Variants in PTPN13 observed in about 807,000 individuals in gnomAD.
PTPN13 encodes the protein protein tyrosine phosphatase non-receptor type 13, also known as tyrosine-protein phosphatase non-receptor type 13.
PTPN13 carries 191 observed loss-of-function variants against 284.0 expected under a neutral mutation model. The observed-to-expected ratio is 0.67, with a 90% CI of 0.60 to 0.76. The LOEUF is 0.76. Among genes scored for constraint, PTPN13 ranks in the 30% least tolerant of loss-of-function variants. The probability of loss-of-function intolerance (pLI) is 0.00; values close to 1 mark genes in which losing one functional copy is unlikely to be tolerated. For synonymous variants in PTPN13, 986 were observed against 1,022.3 expected, an observed-to-expected ratio of 0.96 and a Z score of 0.68; for missense variants, 2,797 against 2,939.9, an observed-to-expected ratio of 0.95 and a Z score of 1.12.
chr4:86,619,932 T>G (rs919179969), intron 1 of PTPN13, among the ~76,000 whole-genome samples: 1 of 152,110 alleles, frequency 6.6e-6, no homozygotes, highest in African/African-American at 2.4e-5. Context: ...GTGGCTCATA[T>G]TCAATAACAT....
At chr4:86,769,033 T>C (rs555531748) in intron 28 of PTPN13, among the ~76,000 whole-genome samples, 1 of 150,330 alleles carries the variant, frequency 6.7e-6, no homozygotes, top group South Asian at 2.1e-4. Flanking sequence ...TTTAAATAGA[T>C]TTTTTTTTTA....
chr4:86,693,575 A>G lies in PTPN13; in HGVS notation c.547-12A>G, dbSNP rs959872347. On this transcript the variant is annotated splice_polypyrimidine_tract_variant and intron_variant, in intron 5 of 47. Coordinates refer to ENST00000411767, the MANE Select transcript of PTPN13 (RefSeq NM_080683.3). ...CTTTTGTCAAACTTGATTTTTTATT[A>G]CCTGTGTACAGACAGATCAGCTTTC... 6.8e-6 allele frequency: 10 copies of G among 1,468,952 alleles called. No individual in the cohort carries two copies. In the African/African-American group the frequency reaches 9.8e-5, roughly 14 times the overall value. The allele number at this position is 1,468,952 out of a possible 1,614,324, so 91.0% of individuals were successfully genotyped here.
At chr4:86,734,506 G>C (rs1476768666) in intron 13 of PTPN13, 50 bp downstream of exon 13, 3 of 1,436,288 alleles carry the variant, frequency 2.1e-6, no homozygotes, top group Non-Finnish European at 2.8e-6. Context: ...CTGGTCTTTT[G>C]ACCCTTTAGC....
intron 1 of PTPN13, among the ~76,000 whole-genome samples, chr4:86,618,400 G>A (rs1720827213): frequency 6.6e-6 from 1 of 152,170 alleles, no homozygotes; most frequent in East Asian, 1.9e-4. Context: ...GGATTGACTT[G>A]GCGATGTGGG....
intron 3 of PTPN13, among the ~76,000 whole-genome samples, chr4:86,675,706 T>G (rs1245914074): frequency 6.6e-6 from 1 of 152,202 alleles, no homozygotes; most frequent in Non-Finnish European, 1.5e-5. Context: ...ATAACATCCC[T>G]TTAAATGAGT....
intron 40 of PTPN13, among the ~76,000 whole-genome samples, chr4:86,789,223 T>C (rs1040112031): frequency 1.3e-5 from 2 of 152,220 alleles, no homozygotes; most frequent in African/African-American, 4.8e-5. Context: ...GCCACTGAAA[T>C]GGATCAATAT....
At chr4:86,667,946 A>G (rs1224091640) in intron 2 of PTPN13, among the ~76,000 whole-genome samples, 2 of 152,190 alleles carry the variant, frequency 1.3e-5, no homozygotes, top group African/African-American at 4.8e-5. Context: ...GGGACAATCT[A>G]AAGGAAATGG....
intron 27 of PTPN13, among the ~76,000 whole-genome samples, chr4:86,767,076 T>C (rs1578617708): frequency 6.6e-6 from 1 of 151,586 alleles, no homozygotes; most frequent in East Asian, 2.0e-4. Context: ...TGTGCCACCA[T>C]GCCTGGCTAG....
chr4:86,612,160 G>A (rs537852404), intron 1 of PTPN13, among the ~76,000 whole-genome samples: 1 of 152,100 alleles, frequency 6.6e-6, no homozygotes, highest in African/African-American at 2.4e-5. Context: ...TCAAGCCTGA[G>A]CAAAACTCAA....
At chr4:86,804,677 A>G (rs969073230) in intron 43 of PTPN13, among the ~76,000 whole-genome samples, 4 of 152,188 alleles carry the variant, frequency 2.6e-5, no homozygotes, top group African/African-American at 9.6e-5. Flanking sequence ...ATATACTACA[A>G]TATTTGTTTA....
chr4:86,806,063 A>C (rs1397702720), intron 44 of PTPN13, among the ~76,000 whole-genome samples: 1 of 152,012 alleles, frequency 6.6e-6, no homozygotes, highest in Non-Finnish European at 1.5e-5. Context: ...AGGCTGAGGC[A>C]GGAGGATCGC....
intron 44 of PTPN13, 85 bp downstream of exon 44, chr4:86,805,454 C>T (rs890080545): frequency 5.0e-5 from 32 of 646,360 alleles, no homozygotes; most frequent in Middle Eastern, 5.1e-4. Flanking sequence ...CTTACCTATC[C>T]CTCACATAAC....
At chr4:86,800,072 A>G (rs965265685) in intron 42 of PTPN13, among the ~76,000 whole-genome samples, 6 of 151,840 alleles carry the variant, frequency 4.0e-5, no homozygotes, top group African/African-American at 1.5e-4. Context: ...TCCTGAGCTC[A>G]GGCAATCCAC....
intron 24 of PTPN13, among the ~76,000 whole-genome samples, chr4:86,763,598 G>C (rs1312497715): frequency 6.6e-6 from 1 of 152,200 alleles, no homozygotes; most frequent in Non-Finnish European, 1.5e-5. Flanking sequence ...AATGAATGAT[G>C]ATAACGACAT....
chr4:86,683,813 G>A (rs1264486836), intron 3 of PTPN13, among the ~76,000 whole-genome samples: 1 of 152,128 alleles, frequency 6.6e-6, no homozygotes. Flanking sequence ...GAATCTTAAA[G>A]CATGGGCCAT....
intron 40 of PTPN13, among the ~76,000 whole-genome samples, chr4:86,789,888 A>G (rs12511318): frequency 0.098 from 14,802 of 150,546 alleles, 846 homozygotes; most frequent in Non-Finnish European, 0.11. Context: ...TGTGAAGGGC[A>G]AAAGAACAAA....
chr4:86,648,879 C>T (rs1374144014), intron 2 of PTPN13, among the ~76,000 whole-genome samples: 1 of 152,086 alleles, frequency 6.6e-6, no homozygotes. Context: ...TCTTCTTATC[C>T]TCACCAACAT....
intron 2 of PTPN13, among the ~76,000 whole-genome samples, chr4:86,642,845 T>A (rs1007786530): frequency 3.3e-5 from 5 of 152,178 alleles, no homozygotes; most frequent in Non-Finnish European, 5.9e-5. Context: ...CATGGATGAA[T>A]TCATGTAGGA....
chr4:86,749,209 A>G lies in PTPN13; in HGVS notation c.2651-1261A>G, dbSNP rs117710048. 8.5e-4 allele frequency among the ~76,000 whole-genome samples: 129 copies of G among 152,274 alleles called. 3 individuals carry two copies. In the East Asian group the frequency reaches 0.022, roughly 26 times the overall value. On this transcript the variant is annotated intron_variant, in intron 17 of 47. Transcript: ENST00000411767. ...AGTAGAAGATAAATGAAACAATCCAAGAATCTAAGTCAGTAATCATTTGAT... is the reference window on the plus strand; with the variant it reads ...AGTAGAAGATAAATGAAACAATCCAGGAATCTAAGTCAGTAATCATTTGAT...
Sources: gnomAD v4.1 joint callset for allele counts (sites outside exome capture counted in the v4.1 genomes callset) on GRCh38, gnomAD v4.1.1 for gene constraint, MANE v1.5 for transcripts, NCBI Gene and HGNC (gene_info 2026-07-23, HGNC 2026-07-21) for gene names.